The following CTNND2 variants were observed in gnomAD, a reference collection of about 807,000 sequenced individuals.
CTNND2 encodes the protein catenin delta-2.
Under a neutral mutation model 144.4 loss-of-function variants are expected in CTNND2, and 22 were observed. The ratio of observed to expected loss-of-function variants is 0.15; its 90% confidence interval spans 0.11 to 0.22. CTNND2 has a LOEUF of 0.22. Ranked by LOEUF, CTNND2 falls within the 10% of genes least tolerant of loss-of-function variation. CTNND2 has a pLI of 1.00. For synonymous variants in CTNND2, 751 were observed against 695.6 expected, an observed-to-expected ratio of 1.08 and a Z score of -1.25; for missense variants, 1,353 against 1,618.8, an observed-to-expected ratio of 0.84 and a Z score of 2.82.
intron 2 of CTNND2, among the ~76,000 whole-genome samples, chr5:11,695,810 T>A (rs1475234916): frequency 6.6e-6 from 1 of 152,182 alleles, no homozygotes. Flanking sequence ...TATAAACAGA[T>A]GTAATATTAC....
chr5:11,725,608 G>A (rs914419375), intron 2 of CTNND2, among the ~76,000 whole-genome samples: 1 of 151,908 alleles, frequency 6.6e-6, no homozygotes. Flanking sequence ...GTAGTGGGGG[G>A]GAAAAGCACT....
intron 16 of CTNND2, among the ~76,000 whole-genome samples, chr5:11,050,488 T>G (rs1198167661): frequency 6.6e-6 from 1 of 152,174 alleles, no homozygotes; most frequent in Non-Finnish European, 1.5e-5. Flanking sequence ...TTCATGACAA[T>G]TAACTAAAAA....
intron 18 of CTNND2, among the ~76,000 whole-genome samples, chr5:11,005,634 GAAC>G (rs1467407322): frequency 1.3e-5 from 2 of 152,192 alleles, no homozygotes; most frequent in South Asian, 2.1e-4. Flanking sequence ...TTTCTGAAAA[GAAC>G]AACAAGGTGG....
intron 2 of CTNND2, among the ~76,000 whole-genome samples, chr5:11,589,180 G>C (rs1189534728): frequency 6.6e-6 from 1 of 151,840 alleles, no homozygotes; most frequent in Non-Finnish European, 1.5e-5. Flanking sequence ...CATCACAAAA[G>C]GACCCTCCCA....
chr5:11,124,465 T>C (rs1424110506), intron 12 of CTNND2, among the ~76,000 whole-genome samples: 1 of 152,198 alleles, frequency 6.6e-6, no homozygotes, highest in Non-Finnish European at 1.5e-5. Flanking sequence ...GCACACTTGC[T>C]TTTGCTTCAA....
chr5:11,221,288 T>C (rs565152126), intron 10 of CTNND2, among the ~76,000 whole-genome samples: 1 of 152,336 alleles, frequency 6.6e-6, no homozygotes, highest in South Asian at 2.1e-4. Flanking sequence ...GTCAGCCAAC[T>C]GGGGCACCTG....
chr5:11,437,598 G>T (rs1180808879), intron 3 of CTNND2, among the ~76,000 whole-genome samples: 1 of 152,164 alleles, frequency 6.6e-6, no homozygotes, highest in Non-Finnish European at 1.5e-5. Flanking sequence ...CTTGAATTGG[G>T]CATAATAAGG....
chr5:11,523,094 T>C (rs1772905208), intron 3 of CTNND2, among the ~76,000 whole-genome samples: 1 of 152,196 alleles, frequency 6.6e-6, no homozygotes, highest in East Asian at 1.9e-4. Flanking sequence ...TTTCCATAAC[T>C]GATACTAATT....
Position 11,794,079 on chromosome 5 carries a change from C to T in CTNND2, c.38-61807G>A, listed in dbSNP as rs528666883. Among the ~76,000 whole-genome samples, 4 of 152,338 alleles carry T rather than the reference C, an allele frequency of 2.6e-5. No homozygotes were observed. In the South Asian group the frequency reaches 6.2e-4, roughly 24 times the overall value. ...TGCTCGCCCACTGCATGTCAGTGTACCATATCACACCTTGGGAGGGGCTGC... is the reference window on the plus strand; with the variant it reads ...TGCTCGCCCACTGCATGTCAGTGTATCATATCACACCTTGGGAGGGGCTGC... On this transcript the variant is annotated intron_variant, in intron 1 of 21. Coordinates refer to ENST00000304623, the MANE Select transcript of CTNND2 (RefSeq NM_001332.4).
intron 2 of CTNND2, among the ~76,000 whole-genome samples, chr5:11,721,851 C>T (rs994963248): frequency 1.2e-4 from 18 of 152,214 alleles, no homozygotes; most frequent in African/African-American, 4.3e-4. Context: ...TTCCCTTCCA[C>T]CATAGTCCTA....
At chr5:11,653,069 TCGTGTG>T (rs1440262315) in intron 2 of CTNND2, among the ~76,000 whole-genome samples, 71 of 105,216 alleles carry the variant, frequency 6.7e-4, no homozygotes, top group African/African-American at 2.5e-3. Flanking sequence ...TGAACAAAAT[TCGTGTG>T]TGTGTGTGTG....
At chr5:11,746,260 T>C (rs1315514709) in intron 1 of CTNND2, among the ~76,000 whole-genome samples, 1 of 152,184 alleles carries the variant, frequency 6.6e-6, no homozygotes, top group Admixed American at 6.5e-5. Context: ...ATTTATCATC[T>C]TCCCTTTACC....
At chr5:11,585,995 G>C (rs1356990595) in intron 2 of CTNND2, among the ~76,000 whole-genome samples, 7 of 152,158 alleles carry the variant, frequency 4.6e-5, no homozygotes, top group Non-Finnish European at 1.5e-5. Context: ...AGGCGTGGGA[G>C]GGATGGGTGG....
chr5:11,820,312 G>A (rs1449682785), intron 1 of CTNND2, among the ~76,000 whole-genome samples: 3 of 152,132 alleles, frequency 2.0e-5, no homozygotes, highest in African/African-American at 4.8e-5. Context: ...TTTACCTTGG[G>A]CAATGTCTAA....
At chr5:11,301,383 A>G (rs16901464) in intron 9 of CTNND2, among the ~76,000 whole-genome samples, 9,014 of 152,120 alleles carry the variant, frequency 0.059, 422 homozygotes, top group African/African-American at 0.13. Context: ...AGCTGGAGTC[A>G]CTGAAATGAA....
intron 2 of CTNND2, among the ~76,000 whole-genome samples, chr5:11,678,713 T>C (rs1331070566): frequency 6.6e-6 from 1 of 152,176 alleles, no homozygotes; most frequent in African/African-American, 2.4e-5. Flanking sequence ...AATCTTCCTT[T>C]AGTAAAGAGT....
chr5:11,728,724 A>C (rs929490653), intron 2 of CTNND2, among the ~76,000 whole-genome samples: 3 of 152,198 alleles, frequency 2.0e-5, no homozygotes, highest in African/African-American at 7.2e-5. Context: ...CTCAATTTCA[A>C]GTTTATTTTT....
intron 15 of CTNND2, among the ~76,000 whole-genome samples, chr5:11,089,626 G>GGGAACTAT (rs1750553165): frequency 6.6e-6 from 1 of 152,152 alleles, no homozygotes; most frequent in Admixed American, 6.5e-5. Context: ...CTGCACAGAG[G>GGGAACTAT]GGAACTATGC....
At chr5:11,318,061 A>C (rs1210922589) in intron 9 of CTNND2, among the ~76,000 whole-genome samples, 1 of 152,174 alleles carries the variant, frequency 6.6e-6, no homozygotes, top group East Asian at 1.9e-4. Flanking sequence ...GTGCTCAGGG[A>C]ACCCTCAGTC....
Sources: gnomAD v4.1 joint callset for allele counts (sites outside exome capture counted in the v4.1 genomes callset) on GRCh38, gnomAD v4.1.1 for gene constraint, MANE v1.5 for transcripts, NCBI Gene and HGNC (gene_info 2026-07-23, HGNC 2026-07-21) for gene names.